Variants in LAMB1 observed in about 807,000 individuals in gnomAD.
The protein encoded by LAMB1 is laminin subunit beta-1.
LAMB1 carries 121 observed loss-of-function variants against 222.3 expected under a neutral mutation model. That is an observed-to-expected ratio of 0.54 (90% CI 0.47 to 0.63). LAMB1 has a LOEUF of 0.63. Ranked by LOEUF, LAMB1 falls within the 30% of genes least tolerant of loss-of-function variation. The pLI is 0.00. For missense variants in LAMB1, 2,172 were observed against 2,240.8 expected (o/e 0.97, Z 0.62); for synonymous variants, 794 against 807.2 (o/e 0.98, Z 0.28).
intron 4 of LAMB1, among the ~76,000 whole-genome samples, chr7:107,996,024 AC>A (rs2034275315): frequency 6.6e-6 from 1 of 152,192 alleles, no homozygotes; most frequent in African/African-American, 2.4e-5. Context: ...TTATATTCAC[AC>A]TAACTAATCT....
intron 13 of LAMB1, among the ~76,000 whole-genome samples, chr7:107,968,679 G>A (rs2033681574): frequency 6.6e-6 from 1 of 152,204 alleles, no homozygotes; most frequent in African/African-American, 2.4e-5. Context: ...GGCAGCTCTA[G>A]AGGACAAGAA....
At position 107,951,241 on chromosome 7, in the gene LAMB1, CG is replaced by C; in HGVS notation, c.3375del (p.Asp1126ThrfsTer63). ...CACAACTCACCTCGGCACTCCACGT[CG>C]GGGTCTCCCCAGAAGAGTTCCTGGC... ...SECQELFWGD[P>X]DVECRACDCD... is the part of the protein sequence containing the mutation. On this transcript the variant is annotated frameshift_variant, in exon 24 of 34. Coordinates refer to ENST00000222399, the MANE Select transcript of LAMB1 (RefSeq NM_002291.3). LOFTEE classifies it high-confidence loss of function. 7 of 1,614,102 alleles carry C rather than the reference CG, an allele frequency of 4.3e-6. No homozygotes were observed. The highest frequency in any genetic ancestry group is 5.1e-6 in the Non-Finnish European group (6 of 1,179,954).
At chr7:107,968,148 C>T (rs886820540) in intron 13 of LAMB1, among the ~76,000 whole-genome samples, 2 of 152,162 alleles carry the variant, frequency 1.3e-5, no homozygotes, top group Non-Finnish European at 2.9e-5. Flanking sequence ...TCACTAATCG[C>T]ACCTTTCAAA....
At chr7:107,938,914 G>A (rs997493284) in intron 25 of LAMB1, among the ~76,000 whole-genome samples, 10 of 152,128 alleles carry the variant, frequency 6.6e-5, no homozygotes, top group East Asian at 3.8e-4. Flanking sequence ...CCTTCAAGTC[G>A]CTTGAGCTAA....
intron 8 of LAMB1, among the ~76,000 whole-genome samples, chr7:107,980,183 G>C (rs573519075): frequency 9.2e-5 from 14 of 151,742 alleles, no homozygotes; most frequent in African/African-American, 3.1e-4. Flanking sequence ...ACTCCAGTCT[G>C]GGCAACACAG....
intron 32 of LAMB1, among the ~76,000 whole-genome samples, chr7:107,925,479 TGGAAAAATTGTCTTCCA>T (rs1004422855): frequency 2.6e-5 from 4 of 152,118 alleles, no homozygotes; most frequent in East Asian, 1.9e-4. Flanking sequence ...CCCCCGAGTC[TGGAAAAATTGTCTTCCA>T]GGAAACTGGT....
chr7:107,956,415 T>C (rs2033377362), intron 20 of LAMB1, among the ~76,000 whole-genome samples: 1 of 152,190 alleles, frequency 6.6e-6, no homozygotes, highest in African/African-American at 2.4e-5. Context: ...TCCCCGATAA[T>C]ATTGATGCTG....
chr7:107,944,210 A>G (rs941753576), intron 24 of LAMB1, among the ~76,000 whole-genome samples: 1 of 152,180 alleles, frequency 6.6e-6, no homozygotes, highest in South Asian at 2.1e-4. Flanking sequence ...ACGTTGATTT[A>G]TTTTTAATTT....
In LAMB1 at chr7:107,937,113, A is replaced by G. The variant is rs1401803915; in HGVS notation, c.3926T>C (p.Ile1309Thr). 2 of 1,613,764 alleles carry G rather than the reference A, an allele frequency of 1.2e-6. No individual in the cohort carries two copies. Among genetic ancestry groups the G allele is most frequent in the East Asian group, 2.2e-5 (1 of 44,872 alleles). The change falls in exon 26 of 34, where the codon ATC becomes ACC. Residue 1309 changes from isoleucine to threonine, a missense_variant. Coordinates refer to ENST00000222399, the MANE Select transcript of LAMB1 (RefSeq NM_002291.3). The part of the protein sequence containing the change: ...VKELAEQLEF[I>T]KNSDIRGALD... ...CTCACCCCGAATATCTGAGTTTTTGATAAATTCCAGTTGTTCAGCAAGTTC... is the reference window on the plus strand; with the variant it reads ...CTCACCCCGAATATCTGAGTTTTTGGTAAATTCCAGTTGTTCAGCAAGTTC...
At chr7:107,959,945 C>T (rs2033461406) in intron 18 of LAMB1, 111 bp from the exon 19 acceptor site, 5 of 1,379,448 alleles carry the variant, frequency 3.6e-6, no homozygotes, top group Admixed American at 2.4e-5. Context: ...TGGTTTAAAA[C>T]AGTATCATCC....
chr7:107,954,939 C>T lies in LAMB1; in HGVS notation c.2854+528G>A, dbSNP rs183712295. Among the ~76,000 whole-genome samples, 37 of 151,900 alleles carry T rather than the reference C, an allele frequency of 2.4e-4. No homozygotes were observed. The South Asian group carries it at 7.5e-3, about 31-fold the overall frequency. On this transcript the variant is annotated intron_variant, in intron 21 of 33. Transcript: ENST00000222399. Reference sequence around the variant, plus strand: ...AAAATTTTACTGAGTTACATATAAACATAATCAGTATTTGTAACAGTGGCT... The same window carrying T: ...AAAATTTTACTGAGTTACATATAAATATAATCAGTATTTGTAACAGTGGCT...
chr7:107,963,035 A>T lies in LAMB1; in HGVS notation c.1727T>A (p.Ile576Asn), dbSNP rs2033546126. Residue 576 changes from isoleucine to asparagine, a missense_variant, in exon 15 of 34, where the codon ATC becomes AAC. Transcript: ENST00000222399. ...PGVSIVERQY[I>N]QDRIPSWTGA... ...AGTCCAGGAGGGAATCCGGTCCTGG[A>T]TATATTGCCGCTCCACTATGCTAAC... is the stretch of plus-strand genomic sequence containing the variant. 2 of 1,613,918 alleles carry T rather than the reference A, an allele frequency of 1.2e-6. No homozygotes were observed. Among genetic ancestry groups the T allele is most frequent in the Non-Finnish European group, 1.7e-6 (2 of 1,179,866 alleles).
intron 7 of LAMB1, among the ~76,000 whole-genome samples, chr7:107,984,312 G>A (rs1479881356): frequency 6.6e-6 from 1 of 152,114 alleles, no homozygotes; most frequent in South Asian, 2.1e-4. Flanking sequence ...GCAGTGGCAC[G>A]ATCTTGGCTC....
chr7:108,003,043 C>A (rs2034421800), intron 1 of LAMB1, 68 bp downstream of exon 1: 1 of 1,430,382 alleles, frequency 7.0e-7, no homozygotes, highest in Non-Finnish European at 9.1e-7. Flanking sequence ...CATTTCCTGT[C>A]GCTCCCACGG....
Position 107,959,770 on chromosome 7 carries a change from C to A in LAMB1, c.2379G>T (p.Gln793His). ...SVCDPNGGQC[Q>H]CRPNVVGRTC... The stretch of plus-strand genomic sequence containing the variant: ...TTCTTCCAACCACGTTGGGCCGGCA[C>A]TGGCACTGGCCTCCGTTGGGATCAC... The change falls in exon 19 of 34, where the codon CAG becomes CAT. Residue 793 changes from glutamine to histidine, a missense_variant. Transcript: ENST00000222399. 6.2e-7 allele frequency: 1 copy of A among 1,614,162 alleles called. No homozygotes were observed. Among genetic ancestry groups the A allele is most frequent in the Non-Finnish European group, 8.5e-7 (1 of 1,180,010 alleles).
intron 3 of LAMB1, among the ~76,000 whole-genome samples, 186 bp from the exon 4 acceptor site, chr7:107,998,678 G>A (rs1271744899): frequency 6.6e-6 from 1 of 151,932 alleles, no homozygotes; most frequent in Non-Finnish European, 1.5e-5. Context: ...GTCTAAAATA[G>A]TCTTGAAAAT....
Position 107,953,674 on chromosome 7 carries a change from G to A in LAMB1, c.2935C>T (p.His979Tyr). 6.2e-7 allele frequency: 1 copy of A among 1,614,142 alleles called. No homozygotes were observed. Among genetic ancestry groups the A allele is most frequent in the Non-Finnish European group, 8.5e-7 (1 of 1,180,026 alleles). The change falls in exon 22 of 34, where the codon CAC becomes TAC. Residue 979 changes from histidine to tyrosine, a missense_variant. His to Tyr is a moderately conservative substitution (Grantham distance 83). Coordinates refer to ENST00000222399, the MANE Select transcript of LAMB1 (RefSeq NM_002291.3). Reference protein sequence around the residue: ...VGGSCQPCQCHNNIDTTDPEA... With the variant: ...VGGSCQPCQCYNNIDTTDPEA... ...GGGTCTGTCGTGTCAATGTTGTTGT[G>A]ACACTGGCAAGGCTGACACGACCCC...
chr7:107,968,990 T>TA (rs1215543311), intron 13 of LAMB1, among the ~76,000 whole-genome samples: 1 of 152,154 alleles, frequency 6.6e-6, no homozygotes, highest in Non-Finnish European at 1.5e-5. Flanking sequence ...GATTATTTCT[T>TA]AAAAAAATAC....
At chr7:108,002,662 G>C (rs993721363) in intron 2 of LAMB1, among the ~76,000 whole-genome samples, 187 bp downstream of exon 2, 9 of 152,222 alleles carry the variant, frequency 5.9e-5, no homozygotes, top group African/African-American at 2.2e-4. Context: ...GGTCCGCGGC[G>C]CTCCGCGTGC....
Sources: allele counts gnomAD v4.1 joint callset (sites outside exome capture counted in the v4.1 genomes callset), GRCh38; gene constraint gnomAD v4.1.1; transcripts MANE v1.5; gene names NCBI Gene and HGNC (gene_info 2026-07-23, HGNC 2026-07-21).